MYRIP: variants seen among roughly 807,000 people sequenced by gnomAD.
MYRIP encodes the protein myosin VIIA and Rab interacting protein, also known as rab effector MyRIP.
In MYRIP, 49 loss-of-function variants were observed where a neutral mutation model predicts 98.0. The ratio of observed to expected loss-of-function variants is 0.50; its 90% CI spans 0.40 to 0.63. MYRIP has a LOEUF of 0.63. Among genes scored for constraint, MYRIP ranks in the 30% least tolerant of loss-of-function variants. The pLI, the probability that MYRIP is intolerant of heterozygous loss-of-function variation, is 0.00. For missense variants in MYRIP, 1,004 were observed against 1,058.2 expected, an observed-to-expected ratio of 0.95 and a Z score of 0.71; for synonymous variants, 404 against 409.5, an observed-to-expected ratio of 0.99 and a Z score of 0.16.
intron 2 of MYRIP, among the ~76,000 whole-genome samples, chr3:39,940,653 C>G (rs990413023): frequency 2.6e-5 from 4 of 152,004 alleles, no homozygotes; most frequent in Non-Finnish European, 5.9e-5. Context: ...TCTTATTGCT[C>G]AAATATTTCA....
chr3:40,211,624 C>T (rs1227260580), intron 11 of MYRIP, among the ~76,000 whole-genome samples: 2 of 152,174 alleles, frequency 1.3e-5, no homozygotes, highest in Admixed American at 6.5e-5. Flanking sequence ...GCATTACAGT[C>T]AGATTTGTAC....
At chr3:39,858,102 A>AT (rs1386960955) in intron 1 of MYRIP, among the ~76,000 whole-genome samples, 2 of 152,178 alleles carry the variant, frequency 1.3e-5, no homozygotes, top group East Asian at 3.8e-4. Flanking sequence ...AGAGTGAGTG[A>AT]ATGGGTTTTT....
intron 8 of MYRIP, among the ~76,000 whole-genome samples, chr3:40,172,938 A>G (rs1013919844): frequency 1.3e-5 from 2 of 152,176 alleles, no homozygotes; most frequent in Non-Finnish European, 2.9e-5. Flanking sequence ...CCCTTGCACT[A>G]AAGAGACCTC....
At chr3:39,955,190 C>T (rs1357679676) in intron 2 of MYRIP, among the ~76,000 whole-genome samples, 1 of 152,126 alleles carries the variant, frequency 6.6e-6, no homozygotes, top group Admixed American at 6.6e-5. Context: ...CAAAGATACT[C>T]CTCGAGAAGA....
At chr3:40,084,697 A>G (rs62261787) in intron 3 of MYRIP, among the ~76,000 whole-genome samples, 24,582 of 80,838 alleles carry the variant, frequency 0.3, 6,162 homozygotes, top group Admixed American at 0.37. Flanking sequence ...TGTATTACAT[A>G]TCGATAGATA....
chr3:39,869,170 TG>T (rs572740802), intron 1 of MYRIP, among the ~76,000 whole-genome samples: 141 of 152,354 alleles, frequency 9.3e-4, no homozygotes, highest in African/African-American at 3.3e-3. Context: ...AGATCACTTC[TG>T]TTTTTCTGAG....
chr3:40,076,438 A>G (rs1385907211), intron 3 of MYRIP, among the ~76,000 whole-genome samples: 1 of 152,194 alleles, frequency 6.6e-6, no homozygotes, highest in African/African-American at 2.4e-5. Context: ...ACATTGCCCA[A>G]CCACAAACCA....
chr3:40,113,662 G>T (rs183797442), intron 3 of MYRIP, among the ~76,000 whole-genome samples: 50 of 152,234 alleles, frequency 3.3e-4, no homozygotes, highest in African/African-American at 9.9e-4. Context: ...AGTCTTAGAA[G>T]AATATATGGG....
chr3:39,978,506 G>A (rs1367081184), intron 2 of MYRIP, among the ~76,000 whole-genome samples: 1 of 152,156 alleles, frequency 6.6e-6, no homozygotes. Context: ...CTGATTAAAT[G>A]CATCCTGTCT....
intron 3 of MYRIP, among the ~76,000 whole-genome samples, chr3:40,067,669 A>G (rs1169074016): frequency 6.6e-6 from 1 of 152,202 alleles, no homozygotes; most frequent in Non-Finnish European, 1.5e-5. Context: ...AGACCTAGTT[A>G]GCTTTTCCAC....
intron 4 of MYRIP, among the ~76,000 whole-genome samples, chr3:40,156,807 T>G (rs897995400): frequency 1.3e-5 from 2 of 152,236 alleles, no homozygotes; most frequent in African/African-American, 4.8e-5. Context: ...CTGTTGTTGG[T>G]GTATAAGAAT....
chr3:39,954,735 G>T (rs1177980700), intron 2 of MYRIP, among the ~76,000 whole-genome samples: 1 of 152,080 alleles, frequency 6.6e-6, no homozygotes, highest in Non-Finnish European at 1.5e-5. Context: ...CAAGCTGAAG[G>T]AGGATGTTCA....
chr3:40,166,757 C>T (rs1194531909), intron 5 of MYRIP, 89 bp from the exon 6 acceptor site: 4 of 891,796 alleles, frequency 4.5e-6, no homozygotes, highest in African/African-American at 1.6e-5. Flanking sequence ...TATCCCAGAG[C>T]CCCTGAAGAA....
chr3:40,066,945 G>A (rs1388369725), intron 3 of MYRIP, among the ~76,000 whole-genome samples: 1 of 152,138 alleles, frequency 6.6e-6, no homozygotes, highest in Non-Finnish European at 1.5e-5. Context: ...ATTTCTTCAT[G>A]TAGAAGGCAA....
intron 3 of MYRIP, among the ~76,000 whole-genome samples, chr3:40,053,029 C>T (rs1405791539): frequency 6.6e-6 from 1 of 152,056 alleles, no homozygotes; most frequent in African/African-American, 2.4e-5. Flanking sequence ...TTCTTCTTAC[C>T]TCTATTTTCC....
At chr3:39,983,490 A>G (rs1945943955) in intron 2 of MYRIP, among the ~76,000 whole-genome samples, 1 of 152,164 alleles carries the variant, frequency 6.6e-6, no homozygotes, top group Non-Finnish European at 1.5e-5. Flanking sequence ...CCCTGATAAT[A>G]TTGGTTACTA....
chr3:39,897,779 C>T (rs573316311), intron 1 of MYRIP, among the ~76,000 whole-genome samples: 4 of 151,424 alleles, frequency 2.6e-5, no homozygotes, highest in Non-Finnish European at 5.9e-5. Flanking sequence ...TCTGACTTGT[C>T]CATTTGGAGC....
intron 3 of MYRIP, among the ~76,000 whole-genome samples, chr3:40,121,182 C>T (rs1949396913): frequency 6.6e-6 from 1 of 152,184 alleles, no homozygotes; most frequent in South Asian, 2.1e-4. Flanking sequence ...TGCTGCTGTG[C>T]CCACACCACA....
chr3:40,113,740 A>G (rs1240215149), intron 3 of MYRIP, among the ~76,000 whole-genome samples: 1 of 152,128 alleles, frequency 6.6e-6, no homozygotes, highest in Non-Finnish European at 1.5e-5. Flanking sequence ...CCCAGGCCAG[A>G]CAGCAGTGGT....
Sources: allele counts gnomAD v4.1 joint callset (sites outside exome capture counted in the v4.1 genomes callset), GRCh38; gene constraint gnomAD v4.1.1; transcripts MANE v1.5; gene names NCBI Gene and HGNC (gene_info 2026-07-23, HGNC 2026-07-21).